The following RPS6KC1 variants were observed in gnomAD, a reference collection of about 807,000 sequenced individuals.
The protein encoded by RPS6KC1 is ribosomal protein S6 kinase C1, also known as inactive ribosomal protein S6 kinase delta-1.
In RPS6KC1, 54 loss-of-function variants were observed where a neutral mutation model predicts 103.8. The observed-to-expected ratio is 0.52, with a 90% CI of 0.42 to 0.65. The LOEUF is 0.65. Among genes scored for constraint, RPS6KC1 ranks in the 30% least tolerant of loss-of-function variants. RPS6KC1 has a pLI of 0.00. For missense variants in RPS6KC1, 1,151 were observed against 1,253.8 expected, an observed-to-expected ratio of 0.92 and a Z score of 1.24; for synonymous variants, 439 against 438.7, an observed-to-expected ratio of 1.00 and a Z score of -0.01.
At chr1:213,548,530 G>A in the RPS6KC1 span, among the ~76,000 whole-genome samples, 5 of 152,114 alleles carry the variant, frequency 3.3e-5, no homozygotes, top group African/African-American at 7.2e-5. Flanking sequence ...GCTTGGTGAC[G>A]CACACCTGTA....
chr1:213,452,775 T>C, the RPS6KC1 span, among the ~76,000 whole-genome samples: 3 of 152,146 alleles, frequency 2.0e-5, no homozygotes, highest in Non-Finnish European at 4.4e-5. Context: ...ACAGCCAGGA[T>C]ATAAAAGTAC....
the RPS6KC1 span, among the ~76,000 whole-genome samples, chr1:213,406,229 G>T: frequency 6.6e-6 from 1 of 152,230 alleles, no homozygotes; most frequent in Admixed American, 6.5e-5. Context: ...CAGGCTGCAG[G>T]AGGGATGCGA....
chr1:213,314,948 T>C, the RPS6KC1 span, among the ~76,000 whole-genome samples: 85 of 152,276 alleles, frequency 5.6e-4, no homozygotes, highest in Admixed American at 9.8e-4. Context: ...TGTGCTTCCT[T>C]GCTTGAAAGT....
chr1:213,535,793 G>A, the RPS6KC1 span, among the ~76,000 whole-genome samples: 1 of 152,128 alleles, frequency 6.6e-6, no homozygotes, highest in Non-Finnish European at 1.5e-5. Context: ...TCTTCCTGTG[G>A]CTCTCTTTTA....
At chr1:213,790,574 G>C in the RPS6KC1 span, among the ~76,000 whole-genome samples, 7 of 152,116 alleles carry the variant, frequency 4.6e-5, no homozygotes, top group African/African-American at 7.2e-5. Context: ...TAACTATTTT[G>C]AGAGGGAGAG....
chr1:213,563,449 C>T, the RPS6KC1 span, among the ~76,000 whole-genome samples: 1 of 152,094 alleles, frequency 6.6e-6, no homozygotes, highest in Admixed American at 6.5e-5. Context: ...ATATTTGTTA[C>T]AATTACTGAT....
Position 213,167,489 on chromosome 1 carries a change from C to CACACACACACACAA in RPS6KC1, c.836-368_836-367insCACACACACACAAA, listed in dbSNP as rs141541042. ...ACACACACACACACACACACACACA[C>CACACACACACACAA]AACAGCTGTTGCATTTGGTCCTATT... On this transcript the variant is annotated intron_variant, in intron 6 of 14. Transcript: ENST00000366960. 4.4e-3 allele frequency among the ~76,000 whole-genome samples: 555 copies of CACACACACACACAA among 126,168 alleles called. 10 individuals carry two copies. The highest frequency in any genetic ancestry group is 0.012 in the Middle Eastern group (3 of 258). The allele number at this position is 126,168 out of a possible 152,430, so 82.8% of individuals were successfully genotyped here.
the RPS6KC1 span, among the ~76,000 whole-genome samples, chr1:213,555,303 T>C: frequency 6.6e-6 from 1 of 152,222 alleles, no homozygotes; most frequent in Non-Finnish European, 1.5e-5. Flanking sequence ...GCAAGGCCCT[T>C]GGCAGTTGAC....
chr1:213,362,000 C>T, the RPS6KC1 span, among the ~76,000 whole-genome samples: 1 of 152,198 alleles, frequency 6.6e-6, no homozygotes, highest in African/African-American at 2.4e-5. Flanking sequence ...AAATGACTGA[C>T]AGATGGTAAA....
At chr1:213,317,991 C>T in the RPS6KC1 span, among the ~76,000 whole-genome samples, 1 of 152,248 alleles carries the variant, frequency 6.6e-6, no homozygotes, top group African/African-American at 2.4e-5. Context: ...GCAAGCAGGG[C>T]AGAAAATCCA....
At chr1:213,809,519 A>C in the RPS6KC1 span, among the ~76,000 whole-genome samples, 1 of 152,232 alleles carries the variant, frequency 6.6e-6, no homozygotes, top group Non-Finnish European at 1.5e-5. Context: ...AATTGATAAA[A>C]AATGCAATTA....
intron 12 of RPS6KC1, among the ~76,000 whole-genome samples, chr1:213,251,804 T>C (rs2094550868): frequency 6.6e-6 from 1 of 152,172 alleles, no homozygotes; most frequent in South Asian, 2.1e-4. Flanking sequence ...TCAACAAACA[T>C]TTATTAAATG....
intron 3 of RPS6KC1, among the ~76,000 whole-genome samples, chr1:213,096,305 G>A (rs1328121763): frequency 6.6e-6 from 1 of 152,146 alleles, no homozygotes; most frequent in Non-Finnish European, 1.5e-5. Context: ...TCATTCTCTT[G>A]CTATTTCTAC....
At chr1:213,541,725 A>G in the RPS6KC1 span, among the ~76,000 whole-genome samples, 1 of 152,148 alleles carries the variant, frequency 6.6e-6, no homozygotes, top group African/African-American at 2.4e-5. Flanking sequence ...AGTGGGAGAG[A>G]CAGCTGTGTG....
chr1:213,788,682 C>A, the RPS6KC1 span, among the ~76,000 whole-genome samples: 1 of 152,168 alleles, frequency 6.6e-6, no homozygotes, highest in Non-Finnish European at 1.5e-5. Context: ...TCATCTGACA[C>A]CATGCGGATG....
At chr1:213,512,710 T>C in the RPS6KC1 span, among the ~76,000 whole-genome samples, 32 of 152,136 alleles carry the variant, frequency 2.1e-4, no homozygotes, top group African/African-American at 7.7e-4. Context: ...CTATCTGGGG[T>C]GAAATTTTTA....
chr1:213,233,547 A>G (rs778251087), intron 10 of RPS6KC1, among the ~76,000 whole-genome samples: 1 of 152,318 alleles, frequency 6.6e-6, no homozygotes, highest in Middle Eastern at 3.4e-3. Context: ...GAGATTATCT[A>G]TGGCAAAATT....
chr1:213,726,604 A>G, the RPS6KC1 span, among the ~76,000 whole-genome samples: 1 of 152,276 alleles, frequency 6.6e-6, no homozygotes, highest in Non-Finnish European at 1.5e-5. Flanking sequence ...AAAAAATTTC[A>G]ATTGCTTAAG....
the RPS6KC1 span, among the ~76,000 whole-genome samples, chr1:213,527,669 T>A: frequency 6.6e-6 from 1 of 152,172 alleles, no homozygotes; most frequent in Admixed American, 6.5e-5. Context: ...TTAGCATTTC[T>A]TTTTTAAAAA....
Sources: gnomAD v4.1 joint callset for allele counts (sites outside exome capture counted in the v4.1 genomes callset) on GRCh38, gnomAD v4.1.1 for gene constraint, MANE v1.5 for transcripts, NCBI Gene and HGNC (gene_info 2026-07-23, HGNC 2026-07-21) for gene names.